The following RIC1 variants were observed in gnomAD, a reference collection of about 807,000 sequenced individuals.
The protein encoded by RIC1 is guanine nucleotide exchange factor subunit RIC1.
Under a neutral mutation model 169.0 loss-of-function variants are expected in RIC1, and 88 were observed. That is an observed-to-expected ratio of 0.52 (90% confidence interval 0.44 to 0.62). The LOEUF is 0.62. Ranked by LOEUF, RIC1 falls within the 20% of genes least tolerant of loss-of-function variation. RIC1 has a pLI of 0.00. For missense variants in RIC1, 1,877 were observed against 1,725.5 expected (o/e 1.09, Z -1.56); for synonymous variants, 790 against 601.5 (o/e 1.31, Z -4.59).
rs1818256223 is a variant in RIC1 at position 5,641,654 on chromosome 9, G to A, written c.144+12201G>A. Among the ~76,000 whole-genome samples, 2 of 115,084 alleles carry A rather than the reference G, an allele frequency of 1.7e-5. 1 individual carries two copies. The highest frequency in any genetic ancestry group is 1.0e-4 in the African/African-American group (2 of 19,126). The allele number at this position is 115,084 out of a possible 152,430, so 75.5% of individuals were successfully genotyped here. ...CTCTGACTATATTGTCAAGTAGCCT[G>A]TCTCCAAGCCCACTAATTCTTTCTT... On this transcript the variant is annotated intron_variant, in intron 1 of 25. Transcript: ENST00000414202.
At chr9:5,746,883 G>C (rs1352685069) in intron 11 of RIC1, among the ~76,000 whole-genome samples, 1 of 152,082 alleles carries the variant, frequency 6.6e-6, no homozygotes, top group African/African-American at 2.4e-5. Flanking sequence ...TATTCCACTT[G>C]AAGACTAAGG....
At chr9:5,699,301 G>C (rs916250911) in intron 3 of RIC1, among the ~76,000 whole-genome samples, 1 of 152,182 alleles carries the variant, frequency 6.6e-6, no homozygotes, top group Non-Finnish European at 1.5e-5. Flanking sequence ...CATGGCCCCA[G>C]TCTGAGCGAG....
At chr9:5,648,538 C>T (rs1466639322) in intron 1 of RIC1, among the ~76,000 whole-genome samples, 1 of 152,030 alleles carries the variant, frequency 6.6e-6, no homozygotes, top group African/African-American at 2.4e-5. Context: ...GGATAAATAC[C>T]TAACAGTGGG....
chr9:5,645,636 A>G (rs2130355045), intron 1 of RIC1, among the ~76,000 whole-genome samples: 2 of 152,320 alleles, frequency 1.3e-5, no homozygotes, highest in East Asian at 3.9e-4. Context: ...ACCTCAGACA[A>G]GTGGAACCAC....
intron 2 of RIC1, among the ~76,000 whole-genome samples, chr9:5,665,718 C>G (rs1188846882): frequency 6.6e-6 from 1 of 152,118 alleles, no homozygotes; most frequent in Non-Finnish European, 1.5e-5. Flanking sequence ...TGGGGGTCTA[C>G]TCCAGACCCT....
rs1459352598 is a variant in RIC1 at position 5,769,192 on chromosome 9, G to A, written c.3360G>A (p.Trp1120Ter). ...ALKRLHKDFL[W>*]PLPIIPASSI... ...AGAGACTCCACAAAGATTTCCTGTG[G>A]CCACTTCCAATCATCCCAGCCTCTT... Residue 1120 changes from tryptophan (W) to a stop codon, truncating the protein, a stop_gained, in exon 22 of 26, where the codon TGG becomes TGA. Coordinates refer to ENST00000414202, the MANE Select transcript of RIC1 (RefSeq NM_020829.4). LOFTEE classifies it high-confidence loss of function. 1 of 1,614,046 alleles carries A rather than the reference G, an allele frequency of 6.2e-7. No homozygotes were observed. Among genetic ancestry groups the A allele is most frequent in the Non-Finnish European group, 8.5e-7 (1 of 1,179,978 alleles).
At chr9:5,709,287 A>C (rs556573489) in intron 3 of RIC1, among the ~76,000 whole-genome samples, 77 of 151,888 alleles carry the variant, frequency 5.1e-4, no homozygotes, top group African/African-American at 1.7e-3. Flanking sequence ...TCCCTTCCCT[A>C]CTCCATCCCC....
intron 4 of RIC1, among the ~76,000 whole-genome samples, chr9:5,717,856 T>C (rs1823351845): frequency 7.0e-6 from 1 of 142,576 alleles, no homozygotes; most frequent in African/African-American, 2.6e-5. Context: ...AAAAAAAAAG[T>C]TCAGCCAGGC....
chr9:5,687,943 T>C (rs1251409404), intron 2 of RIC1, among the ~76,000 whole-genome samples: 1 of 152,192 alleles, frequency 6.6e-6, no homozygotes. Flanking sequence ...TGTTTCATTA[T>C]GGATAATTTT....
At chr9:5,756,081 ATAGT>A (rs1023729979) in intron 15 of RIC1, 127 bp from the exon 16 acceptor site, 6 of 475,240 alleles carry the variant, frequency 1.3e-5, no homozygotes, top group African/African-American at 8.0e-5. Flanking sequence ...TAAAGCTTAG[ATAGT>A]TCTTTTAACT....
At chr9:5,644,136 T>A (rs1470329369) in intron 1 of RIC1, among the ~76,000 whole-genome samples, 1 of 152,180 alleles carries the variant, frequency 6.6e-6, no homozygotes, top group Non-Finnish European at 1.5e-5. Context: ...TTTTAGTAAA[T>A]TTATAGTGTT....
chr9:5,693,335 A>G (rs748158989), intron 3 of RIC1, among the ~76,000 whole-genome samples: 7 of 152,096 alleles, frequency 4.6e-5, no homozygotes, highest in African/African-American at 7.2e-5. Context: ...CTTTTCCACT[A>G]TGCTCCATCT....
chr9:5,734,399 C>T (rs563515790), intron 7 of RIC1, among the ~76,000 whole-genome samples: 51 of 151,942 alleles, frequency 3.4e-4, no homozygotes, highest in Non-Finnish European at 6.5e-4. Context: ...CCACTGGGCC[C>T]GGCCCAGTTT....
chr9:5,728,127 A>G (rs57522367), intron 6 of RIC1, among the ~76,000 whole-genome samples: 3,261 of 152,252 alleles, frequency 0.021, 119 homozygotes, highest in African/African-American at 0.073. Flanking sequence ...GTTCAGCTAT[A>G]CCCTGCCCCC....
intron 3 of RIC1, among the ~76,000 whole-genome samples, chr9:5,711,507 G>C (rs909294892): frequency 4.6e-5 from 7 of 151,840 alleles, no homozygotes; most frequent in Admixed American, 4.6e-4. Context: ...GTTATTTTAG[G>C]AGTTGGTCTG....
At position 5,662,817 on chromosome 9, in the gene RIC1, T is replaced by C. The variant is rs1303617166; in HGVS notation, c.252+6127T>C. Among the ~76,000 whole-genome samples, 4 of 152,186 alleles carry C rather than the reference T, an allele frequency of 2.6e-5. No homozygotes were observed. The East Asian group carries it at 7.7e-4, about 29-fold the overall frequency. ...GGATTCATTGATCGTTTGAATGGTC[T>C]TTCATGTCTCTATCTCCTTCAGTTC... On this transcript the variant is annotated intron_variant, in intron 2 of 25. Coordinates refer to ENST00000414202, the MANE Select transcript of RIC1 (RefSeq NM_020829.4).
downstream of RIC1, among the ~76,000 whole-genome samples, chr9:5,777,690 G>A (rs543386596): frequency 6.6e-6 from 1 of 152,128 alleles, no homozygotes; most frequent in African/African-American, 2.4e-5. Flanking sequence ...ATGAAAGAGA[G>A]ATCTGACTTC....
downstream of RIC1, among the ~76,000 whole-genome samples, chr9:5,777,243 A>G (rs1305705102): frequency 6.6e-6 from 1 of 151,768 alleles, no homozygotes; most frequent in Non-Finnish European, 1.5e-5. Flanking sequence ...TTTTATGTAC[A>G]TATAAATTGC....
rs1402232575 is a variant in RIC1 at position 5,747,382 on chromosome 9, C to G, written c.1329C>G (p.Pro443=). 1.2e-6 allele frequency: 2 copies of G among 1,613,930 alleles called. No homozygotes were observed. The highest frequency in any genetic ancestry group is 8.5e-7 in the Non-Finnish European group (1 of 1,179,948). ...GAGAGGCTTCACAAACCCAGAATCC[C>G]AGGAGTTCTTCAACACACTCTGAGC... The part of the protein sequence containing the change: ...NCGEASQTQN[P]RSSSTHSEHK... The change falls in exon 12 of 26, where the codon CCC becomes CCG. Residue 443 remains proline, a synonymous_variant. Coordinates refer to ENST00000414202, the MANE Select transcript of RIC1 (RefSeq NM_020829.4).
Sources: gnomAD v4.1 joint callset for allele counts (sites outside exome capture counted in the v4.1 genomes callset) on GRCh38, gnomAD v4.1.1 for gene constraint, MANE v1.5 for transcripts, NCBI Gene and HGNC (gene_info 2026-07-23, HGNC 2026-07-21) for gene names.